CLDN10: variants seen among roughly 807,000 people sequenced by gnomAD.
The protein encoded by CLDN10 is claudin-10.
In CLDN10, 15 loss-of-function variants were observed where a neutral mutation model predicts 22.9. The observed-to-expected ratio is 0.65, with a 90% confidence interval of 0.44 to 1.01. CLDN10 has a LOEUF of 1.01. Ranked by LOEUF, CLDN10 falls within the 50% of genes least tolerant of loss-of-function variation. The pLI, the probability that CLDN10 is intolerant of heterozygous loss-of-function variation, is 0.00. For missense variants in CLDN10, 247 were observed against 287.8 expected (o/e 0.86, Z 1.03); for synonymous variants, 114 against 111.4 (o/e 1.02, Z -0.15).
At chr13:95,504,853 A>G (rs1298047393) in intron 1 of CLDN10, among the ~76,000 whole-genome samples, 1 of 152,148 alleles carries the variant, frequency 6.6e-6, no homozygotes, top group Non-Finnish European at 1.5e-5. Context: ...GCATATTTTT[A>G]AAAAGCATTC....
chr13:95,517,030 CCTCT>C (rs1566312397), intron 1 of CLDN10, among the ~76,000 whole-genome samples: 1 of 148,532 alleles, frequency 6.7e-6, no homozygotes, highest in Non-Finnish European at 1.5e-5. Context: ...TTCCTCCCTC[CCTCT>C]CTCCCTTTTT....
intron 1 of CLDN10, among the ~76,000 whole-genome samples, chr13:95,540,494 G>A (rs377677152): frequency 2.6e-4 from 39 of 151,730 alleles, no homozygotes; most frequent in African/African-American, 8.5e-4. Flanking sequence ...GACAGACTCT[G>A]TCTCAAAAAA....
At chr13:95,526,779 T>G (rs1330161102) in intron 1 of CLDN10, among the ~76,000 whole-genome samples, 1 of 130,552 alleles carries the variant, frequency 7.7e-6, no homozygotes, top group East Asian at 2.4e-4. Context: ...AAGAGTGAAA[T>G]TCCATCTCAA....
chr13:95,512,009 C>A (rs1354466114), intron 1 of CLDN10, among the ~76,000 whole-genome samples: 3 of 131,674 alleles, frequency 2.3e-5, no homozygotes, highest in Non-Finnish European at 3.4e-5. Flanking sequence ...CTCCCCCCAC[C>A]CCACAACAGT....
At chr13:95,478,134 A>G (rs2042703362) in intron 1 of CLDN10, among the ~76,000 whole-genome samples, 1 of 146,574 alleles carries the variant, frequency 6.8e-6, no homozygotes, top group Non-Finnish European at 1.5e-5. Context: ...GCAAAACACC[A>G]TATCAACTAA....
intron 1 of CLDN10, among the ~76,000 whole-genome samples, chr13:95,462,931 A>G (rs1347056316): frequency 6.6e-6 from 1 of 152,160 alleles, no homozygotes; most frequent in Admixed American, 6.5e-5. Context: ...CAGGGATACA[A>G]AAGAGTAATG....
intron 3 of CLDN10, among the ~76,000 whole-genome samples, chr13:95,563,334 A>ATG (rs1438806138): frequency 6.6e-6 from 1 of 152,124 alleles, no homozygotes; most frequent in Non-Finnish European, 1.5e-5. Context: ...AGTATGTAAG[A>ATG]TGTGGCTTAT....
chr13:95,437,258 C>G (rs191909209), intron 1 of CLDN10, among the ~76,000 whole-genome samples: 1 of 152,160 alleles, frequency 6.6e-6, no homozygotes, highest in African/African-American at 2.4e-5. Flanking sequence ...ACAGAGGCCA[C>G]CTTCAACTGT....
chr13:95,434,511 A>ATG (rs1231797755), intron 1 of CLDN10, among the ~76,000 whole-genome samples: 1 of 135,926 alleles, frequency 7.4e-6, no homozygotes, highest in Non-Finnish European at 1.5e-5. Flanking sequence ...AGGTATCTAT[A>ATG]TGTGTGTGTG....
intron 1 of CLDN10, among the ~76,000 whole-genome samples, chr13:95,469,724 G>A (rs530369224): frequency 2.6e-5 from 4 of 152,322 alleles, no homozygotes; most frequent in South Asian, 4.1e-4. Context: ...AGCAAGGGAG[G>A]CCCGTTCTGA....
chr13:95,552,916 A>G lies in CLDN10; in HGVS notation c.163A>G (p.Thr55Ala). ...YWANLWKACVTDSTGVSNCKD... is the reference protein window; with the variant it reads ...YWANLWKACVADSTGVSNCKD... ...GGCCAACCTGTGGAAGGCGTGCGTT[A>G]CCGACTCCACGGGCGTCTCCAACTG... The change falls in exon 1 of 5, where the codon ACC becomes GCC. Residue 55 changes from threonine to alanine, a missense_variant. Transcript: ENST00000299339. The G allele has an allele frequency of 6.2e-7, 1 of 1,613,798 alleles. No homozygotes were observed. Among genetic ancestry groups the G allele is most frequent in the Non-Finnish European group, 8.5e-7 (1 of 1,179,770 alleles).
At chr13:95,496,711 C>G (rs1320038476) in intron 1 of CLDN10, among the ~76,000 whole-genome samples, 1 of 152,188 alleles carries the variant, frequency 6.6e-6, no homozygotes, top group African/African-American at 2.4e-5. Context: ...GGCACTAATC[C>G]CACCACGGGG....
At chr13:95,500,164 C>T (rs889902676) in intron 1 of CLDN10, among the ~76,000 whole-genome samples, 4 of 150,640 alleles carry the variant, frequency 2.7e-5, no homozygotes, top group African/African-American at 7.3e-5. Context: ...TCGAATAAAG[C>T]CCAAAGGCTC....
chr13:95,455,451 T>C (rs958954827), intron 1 of CLDN10, among the ~76,000 whole-genome samples: 1 of 152,198 alleles, frequency 6.6e-6, no homozygotes, highest in African/African-American at 2.4e-5. Flanking sequence ...AACTGTCTAA[T>C]GGCAAATTTT....
rs765526989 is a variant in CLDN10 at position 95,577,221 on chromosome 13, T to G, written c.465-10T>G. On this transcript the variant is annotated splice_polypyrimidine_tract_variant and intron_variant, in intron 3 of 4. Transcript: ENST00000299339. Reference sequence around the variant, plus strand: ...GTGAGCTGTAATACTTGTGTAATGCTTTCTCACAGGTATGAATTAGGAGCC... The same window carrying G: ...GTGAGCTGTAATACTTGTGTAATGCGTTCTCACAGGTATGAATTAGGAGCC... 1 of 1,583,310 alleles carries G rather than the reference T, an allele frequency of 6.3e-7. No individual in the cohort carries two copies. The highest frequency in any genetic ancestry group is 1.1e-5 in the South Asian group (1 of 90,304).
chr13:95,497,686 T>C (rs1315789011), intron 1 of CLDN10, among the ~76,000 whole-genome samples: 1 of 152,204 alleles, frequency 6.6e-6, no homozygotes, highest in Non-Finnish European at 1.5e-5. Context: ...GCTTAAGTGG[T>C]CCCTTTATGT....
upstream of CLDN10, among the ~76,000 whole-genome samples, chr13:95,550,506 G>T (rs1445494669): frequency 6.6e-6 from 1 of 152,184 alleles, no homozygotes; most frequent in Non-Finnish European, 1.5e-5. Context: ...TAAACAAAGG[G>T]ACTATCGAAC....
chr13:95,447,959 C>T (rs2042396659), intron 1 of CLDN10, among the ~76,000 whole-genome samples: 1 of 152,166 alleles, frequency 6.6e-6, no homozygotes, highest in Non-Finnish European at 1.5e-5. Flanking sequence ...CCGCCTCTCC[C>T]TTGCCAGGCT....
upstream of CLDN10, among the ~76,000 whole-genome samples, chr13:95,548,558 C>T (rs2043533269): frequency 6.6e-6 from 1 of 152,122 alleles, no homozygotes; most frequent in Non-Finnish European, 1.5e-5. Context: ...TGTAACTATT[C>T]CTATCACTCT....
Sources: gnomAD v4.1 joint callset for allele counts (sites outside exome capture counted in the v4.1 genomes callset) on GRCh38, gnomAD v4.1.1 for gene constraint, MANE v1.5 for transcripts, NCBI Gene and HGNC (gene_info 2026-07-23, HGNC 2026-07-21) for gene names.